PTK2B: variants seen among roughly 807,000 people sequenced by gnomAD.
PTK2B encodes protein tyrosine kinase 2 beta.
A neutral mutation model predicts 142.9 loss-of-function variants in PTK2B; 71 were observed. The observed-to-expected ratio is 0.50, with a 90% CI of 0.41 to 0.61. PTK2B has a LOEUF of 0.61. Ranked by LOEUF, PTK2B falls within the 20% of genes least tolerant of loss-of-function variation. The probability of loss-of-function intolerance (pLI) is 0.00; values close to 1 mark genes in which losing one functional copy is unlikely to be tolerated. For missense variants in PTK2B, 1,105 were observed against 1,320.4 expected (o/e 0.84, Z 2.53); for synonymous variants, 519 against 503.4 (o/e 1.03, Z -0.42).
intron 1 of PTK2B, among the ~76,000 whole-genome samples, chr8:27,359,384 G>T (rs944894935): frequency 6.6e-6 from 1 of 152,186 alleles, no homozygotes; most frequent in East Asian, 1.9e-4. Context: ...CCAAAGTGCT[G>T]GGATTACAGG....
chr8:27,391,222 G>C (rs895006025), intron 1 of PTK2B, among the ~76,000 whole-genome samples: 1 of 151,838 alleles, frequency 6.6e-6, no homozygotes, highest in Non-Finnish European at 1.5e-5. Context: ...TCAGCCTCCC[G>C]AGTAGCTGGG....
intron 2 of PTK2B, among the ~76,000 whole-genome samples, chr8:27,411,603 A>G (rs1045077923): frequency 5.3e-4 from 80 of 152,294 alleles, no homozygotes; most frequent in Middle Eastern, 3.4e-3. Context: ...TTGTCATCCT[A>G]TTGGAAGTAC....
chr8:27,426,917 C>T (rs1160890050), intron 5 of PTK2B, among the ~76,000 whole-genome samples: 1 of 152,170 alleles, frequency 6.6e-6, no homozygotes, highest in Non-Finnish European at 1.5e-5. Context: ...TTAGCTAACC[C>T]TGTTTTAAAA....
intron 1 of PTK2B, among the ~76,000 whole-genome samples, chr8:27,338,314 C>CA (rs1202510613): frequency 6.7e-6 from 1 of 149,498 alleles, no homozygotes; most frequent in Admixed American, 6.7e-5. Flanking sequence ...GTTATGCCCT[C>CA]AAAAAAATTG....
intron 28 of PTK2B, among the ~76,000 whole-genome samples, chr8:27,453,507 G>C (rs1811951772): frequency 1.3e-5 from 2 of 152,106 alleles, no homozygotes; most frequent in Non-Finnish European, 2.9e-5. Flanking sequence ...AGCCATCTGG[G>C]GTGGTGCTGG....
intron 3 of PTK2B, among the ~76,000 whole-genome samples, chr8:27,317,513 TG>T (rs1297334732): frequency 5.9e-5 from 9 of 152,246 alleles, no homozygotes; most frequent in African/African-American, 2.2e-4. Flanking sequence ...TTTGCCTCCT[TG>T]GTTAAGCGTA....
At chr8:27,368,513 C>G (rs569399121) in intron 1 of PTK2B, among the ~76,000 whole-genome samples, 203 of 152,338 alleles carry the variant, frequency 1.3e-3, no homozygotes, top group Non-Finnish European at 1.8e-3. Flanking sequence ...ATCTCCCTCC[C>G]CTATTGGAAT....
At chr8:27,398,842 G>A (rs17448278) in intron 2 of PTK2B, among the ~76,000 whole-genome samples, 55,528 of 152,138 alleles carry the variant, frequency 0.36, 11,096 homozygotes, top group Middle Eastern at 0.5. Context: ...GCTGCCTTCC[G>A]TCTGCTATAG....
chr8:27,430,459 C>T, intron 7 of PTK2B, 41 bp downstream of exon 7: 1 of 1,609,348 alleles, frequency 6.2e-7, no homozygotes, highest in Non-Finnish European at 8.5e-7. Context: ...GTGCTGATTC[C>T]CGAGACTAGA....
chr8:27,383,252 C>T (rs1211574675), intron 1 of PTK2B, among the ~76,000 whole-genome samples: 3 of 152,068 alleles, frequency 2.0e-5, no homozygotes, highest in Non-Finnish European at 4.4e-5. Flanking sequence ...CCCCCACTCT[C>T]CCAACACACG....
upstream of PTK2B, among the ~76,000 whole-genome samples, chr8:27,324,328 G>T (rs1586076076): frequency 6.6e-6 from 1 of 152,128 alleles, no homozygotes; most frequent in African/African-American, 2.4e-5. Flanking sequence ...CAAATGGGAA[G>T]GGGTGGGGGG....
intron 5 of PTK2B, among the ~76,000 whole-genome samples, chr8:27,424,058 C>T (rs1809923706): frequency 6.6e-6 from 1 of 152,108 alleles, no homozygotes; most frequent in African/African-American, 2.4e-5. Context: ...GACTGCTCGG[C>T]TCCTATGACT....
At chr8:27,396,486 G>T (rs1225131609) in intron 1 of PTK2B, among the ~76,000 whole-genome samples, 5 of 152,178 alleles carry the variant, frequency 3.3e-5, no homozygotes, top group Non-Finnish European at 7.3e-5. Flanking sequence ...TCCAACCCAG[G>T]CCAAACGTTA....
intron 1 of PTK2B, among the ~76,000 whole-genome samples, chr8:27,379,274 T>G (rs926832357): frequency 6.6e-6 from 1 of 152,238 alleles, no homozygotes; most frequent in Non-Finnish European, 1.5e-5. Context: ...CAGGGTCTCA[T>G]TCTGTCGCCC....
At chr8:27,319,537 G>A (rs932397644) in intron 3 of PTK2B, among the ~76,000 whole-genome samples, 1 of 150,844 alleles carries the variant, frequency 6.6e-6, no homozygotes, top group Non-Finnish European at 1.5e-5. Context: ...CCAGCTACTC[G>A]GGAGGCTGAG....
chr8:27,401,205 G>A (rs1586242054), intron 2 of PTK2B, among the ~76,000 whole-genome samples: 1 of 152,238 alleles, frequency 6.6e-6, no homozygotes, highest in Non-Finnish European at 1.5e-5. Flanking sequence ...TACAGAAAGA[G>A]CAGCCAATGA....
At chr8:27,375,237 C>T (rs1806596015) in intron 1 of PTK2B, among the ~76,000 whole-genome samples, 1 of 152,162 alleles carries the variant, frequency 6.6e-6, no homozygotes, top group African/African-American at 2.4e-5. Flanking sequence ...TAGCACAGTC[C>T]CTGCCAGACC....
At position 27,430,175 on chromosome 8, in the gene PTK2B, A is replaced by G. The variant is rs762405215; in HGVS notation, c.614+20A>G. On this transcript the variant is annotated intron_variant, in intron 6 of 30. Coordinates refer to ENST00000346049, the MANE Select transcript of PTK2B (RefSeq NM_173176.3). Reference sequence around the variant, plus strand: ...CCTAGAGTAAGTTCTGGGATCACCCATCTCCCCTCCCTTCCTGTCCTTCCA... The same window carrying G: ...CCTAGAGTAAGTTCTGGGATCACCCGTCTCCCCTCCCTTCCTGTCCTTCCA... 1 of 1,605,932 alleles carries G rather than the reference A, an allele frequency of 6.2e-7. No homozygotes were observed. Among genetic ancestry groups the G allele is most frequent in the East Asian group, 2.2e-5 (1 of 44,806 alleles).
intron 1 of PTK2B, among the ~76,000 whole-genome samples, chr8:27,343,801 A>C (rs111806082): frequency 2.0e-5 from 3 of 152,128 alleles, no homozygotes; most frequent in Admixed American, 6.5e-5. Flanking sequence ...TCTCAGATTG[A>C]GAGCATCCTG....
Sources: gnomAD v4.1 joint callset for allele counts (sites outside exome capture counted in the v4.1 genomes callset) on GRCh38, gnomAD v4.1.1 for gene constraint, MANE v1.5 for transcripts, NCBI Gene and HGNC (gene_info 2026-07-23, HGNC 2026-07-21) for gene names.